NKAIN3: variants seen among roughly 807,000 people sequenced by gnomAD.
NKAIN3 encodes sodium/potassium transporting ATPase interacting 3, also known as sodium/potassium-transporting ATPase subunit beta-1-interacting protein 3.
NKAIN3 carries 25 observed loss-of-function variants against 30.2 expected under a neutral mutation model. That is an observed-to-expected ratio of 0.83 (90% CI 0.60 to 1.16). The LOEUF is 1.16. NKAIN3 is among the 50% of genes most tolerant of loss of function. The pLI is 0.00. For synonymous variants in NKAIN3, 91 were observed against 89.6 expected (o/e 1.02, Z -0.09); for missense variants, 225 against 254.1 (o/e 0.89, Z 0.78).
At chr8:62,551,891 A>G (rs1809226719) in intron 1 of NKAIN3, among the ~76,000 whole-genome samples, 1 of 152,208 alleles carries the variant, frequency 6.6e-6, no homozygotes, top group Non-Finnish European at 1.5e-5. Flanking sequence ...AACACTTGCT[A>G]TACTTTTACT....
chr8:62,341,824 T>C (rs970239901), intron 1 of NKAIN3, among the ~76,000 whole-genome samples: 1 of 152,082 alleles, frequency 6.6e-6, no homozygotes, highest in African/African-American at 2.4e-5. Context: ...TTTCACTTTG[T>C]GTCCAGGACC....
At chr8:62,506,011 T>C (rs994347519) in intron 1 of NKAIN3, among the ~76,000 whole-genome samples, 5 of 152,122 alleles carry the variant, frequency 3.3e-5, no homozygotes, top group African/African-American at 1.2e-4. Flanking sequence ...TTTAAGCCAA[T>C]AGTGTTGCAT....
At chr8:62,807,246 G>A (rs558059095) in intron 4 of NKAIN3, among the ~76,000 whole-genome samples, 12 of 152,134 alleles carry the variant, frequency 7.9e-5, no homozygotes, top group African/African-American at 2.4e-4. Flanking sequence ...TTTTGTTTCA[G>A]GTATGTTTTA....
chr8:62,777,119 A>G (rs1366412535), intron 4 of NKAIN3, among the ~76,000 whole-genome samples: 1 of 152,138 alleles, frequency 6.6e-6, no homozygotes, highest in Non-Finnish European at 1.5e-5. Flanking sequence ...CTGCTTTTAG[A>G]AACTTTCTTT....
chr8:62,415,155 A>G (rs905189989), intron 1 of NKAIN3, among the ~76,000 whole-genome samples: 14 of 142,168 alleles, frequency 9.8e-5, no homozygotes, highest in Non-Finnish European at 1.8e-4. Context: ...ATTATATACT[A>G]TAGTATATTA....
At chr8:62,473,605 G>T (rs1412221799) in intron 1 of NKAIN3, among the ~76,000 whole-genome samples, 1 of 152,108 alleles carries the variant, frequency 6.6e-6, no homozygotes, top group East Asian at 1.9e-4. Flanking sequence ...ATTCATCTTT[G>T]CCAGCAGAAT....
At chr8:62,854,957 G>A (rs1411092680) in intron 4 of NKAIN3, 1 of 153,082 alleles carries the variant, frequency 6.5e-6, no homozygotes, top group Non-Finnish European at 1.5e-5. Flanking sequence ...GCATTTGCCT[G>A]TCTGAAAAGG....
intron 3 of NKAIN3, among the ~76,000 whole-genome samples, chr8:62,666,159 G>T (rs1004268934): frequency 3.3e-5 from 5 of 152,122 alleles, no homozygotes; most frequent in African/African-American, 1.2e-4. Context: ...GTTGAAGTGA[G>T]CCGAGATCAC....
intron 5 of NKAIN3, among the ~76,000 whole-genome samples, chr8:62,919,015 T>TA (rs140922512): frequency 4.0e-5 from 6 of 150,740 alleles, no homozygotes; most frequent in South Asian, 2.1e-4. Context: ...TACGAGGTGC[T>TA]AAAAAAAAGT....
intron 1 of NKAIN3, among the ~76,000 whole-genome samples, chr8:62,266,696 G>T (rs557101392): frequency 6.6e-6 from 1 of 152,098 alleles, no homozygotes; most frequent in South Asian, 2.1e-4. Context: ...AGGGAGAAGC[G>T]CCTCTTCCTA....
chr8:62,501,533 G>C (rs1807449885), intron 1 of NKAIN3, among the ~76,000 whole-genome samples: 1 of 152,070 alleles, frequency 6.6e-6, no homozygotes, highest in African/African-American at 2.4e-5. Context: ...TTCCAAAGCT[G>C]TTGTTGCTCT....
chr8:62,836,601 C>G (rs2130753067), intron 4 of NKAIN3, among the ~76,000 whole-genome samples: 1 of 152,210 alleles, frequency 6.6e-6, no homozygotes, highest in South Asian at 2.1e-4. Context: ...AGCAGTAGCT[C>G]CTCTTGTCAA....
Position 62,966,089 on chromosome 8 carries a change from T to A in NKAIN3, c.*682T>A. 2.0e-6 allele frequency: 2 copies of A among 984,452 alleles called. No individual in the cohort carries two copies. Among genetic ancestry groups the A allele is most frequent in the Non-Finnish European group, 2.4e-6 (2 of 829,062 alleles). 61.0% of individuals were successfully genotyped at this position (984,452 alleles called of 1,614,324 possible). A position where few individuals can be genotyped will look rare whatever the true frequency, so the allele number is the denominator to read the frequency against. On this transcript the variant is annotated 3_prime_UTR_variant, in exon 7 of 7. Transcript: ENST00000623646. The stretch of plus-strand genomic sequence containing the variant: ...AGAGTAAAAGGATTAGTAGAACCCC[T>A]TTCCCCTTTGGAGGGAATATGGGTG...
intron 4 of NKAIN3, among the ~76,000 whole-genome samples, chr8:62,889,017 T>C (rs1176483673): frequency 5.3e-5 from 8 of 152,158 alleles, no homozygotes; most frequent in Admixed American, 5.2e-4. Flanking sequence ...AGCAATGGAC[T>C]AGATGCAAAG....
At chr8:62,847,968 TG>T (rs1248938009) in intron 4 of NKAIN3, among the ~76,000 whole-genome samples, 1 of 152,212 alleles carries the variant, frequency 6.6e-6, no homozygotes, top group Non-Finnish European at 1.5e-5. Flanking sequence ...TTGTCAGGTT[TG>T]TCAAAGATCA....
At chr8:62,703,821 A>G (rs1003141787) in intron 3 of NKAIN3, among the ~76,000 whole-genome samples, 1 of 152,134 alleles carries the variant, frequency 6.6e-6, no homozygotes, top group Non-Finnish European at 1.5e-5. Context: ...TCATTTTTTC[A>G]TTATATTCTT....
intron 1 of NKAIN3, among the ~76,000 whole-genome samples, chr8:62,264,328 G>A (rs1385027481): frequency 1.3e-5 from 2 of 152,082 alleles, no homozygotes; most frequent in Non-Finnish European, 2.9e-5. Context: ...CAATTCCTGA[G>A]CCAATATTGA....
chr8:62,849,420 A>G (rs1341812645), intron 4 of NKAIN3, among the ~76,000 whole-genome samples: 2 of 151,122 alleles, frequency 1.3e-5, no homozygotes, highest in Admixed American at 6.6e-5. Flanking sequence ...ATGTGCCAGG[A>G]ATGTATCCAT....
chr8:62,671,948 C>T (rs1172716488), intron 3 of NKAIN3, among the ~76,000 whole-genome samples: 1 of 152,122 alleles, frequency 6.6e-6, no homozygotes, highest in East Asian at 1.9e-4. Context: ...TCTGGATTAG[C>T]TCACATGCCC....
Sources: gnomAD v4.1 joint callset for allele counts (sites outside exome capture counted in the v4.1 genomes callset) on GRCh38, gnomAD v4.1.1 for gene constraint, MANE v1.5 for transcripts, NCBI Gene and HGNC (gene_info 2026-07-23, HGNC 2026-07-21) for gene names.